Variants in ATP8A2 observed in about 807,000 individuals in gnomAD.
ATP8A2 encodes phospholipid-transporting ATPase IB.
A neutral mutation model predicts 165.6 loss-of-function variants in ATP8A2; 100 were observed. The ratio of observed to expected loss-of-function variants is 0.60; its 90% CI spans 0.51 to 0.71. ATP8A2 has a LOEUF of 0.71. ATP8A2 is among the 30% of genes least tolerant of loss of function. The pLI is 0.00. For missense variants in ATP8A2, 1,227 were observed against 1,479.5 expected, an observed-to-expected ratio of 0.83 and a Z score of 2.80; for synonymous variants, 543 against 548.8, an observed-to-expected ratio of 0.99 and a Z score of 0.15.
chr13:25,922,022 G>C (rs138890704), intron 33 of ATP8A2, among the ~76,000 whole-genome samples: 2 of 152,282 alleles, frequency 1.3e-5, no homozygotes, highest in African/African-American at 4.8e-5. Context: ...TGGGAAATAA[G>C]AATTAACTAC....
chr13:25,830,448 A>G (rs1236724022), intron 28 of ATP8A2, among the ~76,000 whole-genome samples: 1 of 152,196 alleles, frequency 6.6e-6, no homozygotes, highest in Admixed American at 6.5e-5. Context: ...CTGAGTCCAC[A>G]GTGCAGGCAT....
At chr13:25,763,059 C>T (rs2138256782) in intron 25 of ATP8A2, among the ~76,000 whole-genome samples, 1 of 152,182 alleles carries the variant, frequency 6.6e-6, no homozygotes, top group Non-Finnish European at 1.5e-5. Context: ...GGCTCCATAA[C>T]ACCTTCATCT....
intron 27 of ATP8A2, among the ~76,000 whole-genome samples, chr13:25,826,811 T>G (rs1369941156): frequency 1.3e-5 from 2 of 151,356 alleles, no homozygotes; most frequent in African/African-American, 4.9e-5. Context: ...TTTGCTTCCT[T>G]CTAAGTCAGG....
chr13:25,962,465 G>A (rs61288499), intron 34 of ATP8A2, among the ~76,000 whole-genome samples: 2,148 of 152,196 alleles, frequency 0.014, 58 homozygotes, highest in African/African-American at 0.05. Flanking sequence ...AACATATATT[G>A]TTTTCAAGAT....
At chr13:25,497,795 A>C (rs1285508629) in intron 2 of ATP8A2, among the ~76,000 whole-genome samples, 1 of 151,802 alleles carries the variant, frequency 6.6e-6, no homozygotes, top group Admixed American at 6.6e-5. Flanking sequence ...CTCTACTAAA[A>C]ATAAAAAATA....
intron 2 of ATP8A2, among the ~76,000 whole-genome samples, chr13:25,494,369 G>C (rs1486141110): frequency 2.0e-5 from 3 of 152,118 alleles, no homozygotes; most frequent in Non-Finnish European, 2.9e-5. Flanking sequence ...TGGAGGGATC[G>C]CTTTGACCTT....
chr13:25,543,777 G>A (rs924232297), intron 10 of ATP8A2, among the ~76,000 whole-genome samples: 2 of 152,090 alleles, frequency 1.3e-5, no homozygotes, highest in Admixed American at 1.3e-4. Context: ...CTGAACTTTA[G>A]AGACTTTAAA....
At chr13:25,908,453 A>G (rs1298650532) in intron 33 of ATP8A2, among the ~76,000 whole-genome samples, 1 of 152,240 alleles carries the variant, frequency 6.6e-6, no homozygotes, top group Admixed American at 6.5e-5. Context: ...CAAGAAAGTA[A>G]TGAAGCCGAG....
At chr13:25,867,174 T>C (rs372438697) in intron 33 of ATP8A2, among the ~76,000 whole-genome samples, 19 of 147,890 alleles carry the variant, frequency 1.3e-4, no homozygotes, top group East Asian at 8.1e-4. Flanking sequence ...AATACAGGAA[T>C]GGGTTTACTC....
intron 23 of ATP8A2, among the ~76,000 whole-genome samples, chr13:25,585,403 T>C (rs1232661119): frequency 6.6e-6 from 1 of 152,178 alleles, no homozygotes; most frequent in East Asian, 1.9e-4. Flanking sequence ...TTTTTTTTAA[T>C]GGATGTAGGA....
intron 1 of ATP8A2, among the ~76,000 whole-genome samples, chr13:25,451,320 T>G (rs2035218878): frequency 1.3e-5 from 2 of 152,036 alleles, no homozygotes; most frequent in South Asian, 4.2e-4. Flanking sequence ...TGAGTTCCCC[T>G]CTCACTGTGC....
chr13:25,976,869 A>T (rs1044764312), intron 35 of ATP8A2, among the ~76,000 whole-genome samples: 2 of 151,990 alleles, frequency 1.3e-5, no homozygotes, highest in Non-Finnish European at 2.9e-5. Context: ...GCTCGCTGCA[A>T]CCTCTGCCTC....
chr13:25,427,013 A>G (rs1030032547), intron 1 of ATP8A2, among the ~76,000 whole-genome samples: 3 of 152,190 alleles, frequency 2.0e-5, no homozygotes, highest in Non-Finnish European at 2.9e-5. Context: ...AATGTAAAAC[A>G]CCAGCGCAAG....
intron 24 of ATP8A2, among the ~76,000 whole-genome samples, chr13:25,648,247 A>G (rs1314387570): frequency 2.0e-5 from 3 of 151,992 alleles, no homozygotes; most frequent in Non-Finnish European, 4.4e-5. Context: ...CTTCATCTCT[A>G]TGATTTCTTT....
At chr13:25,451,868 T>C (rs535937223) in intron 1 of ATP8A2, among the ~76,000 whole-genome samples, 1 of 151,790 alleles carries the variant, frequency 6.6e-6, no homozygotes, top group East Asian at 1.9e-4. Flanking sequence ...TTTTTTTCTT[T>C]TTTTGAGATG....
chr13:25,530,722 C>T, intron 4 of ATP8A2, 62 bp downstream of exon 4: 1 of 1,023,816 alleles, frequency 9.8e-7, no homozygotes, highest in South Asian at 1.4e-5. Context: ...TTATGTGTTG[C>T]CTCGGGTGAT....
intron 1 of ATP8A2, among the ~76,000 whole-genome samples, chr13:25,451,462 C>T (rs2035222744): frequency 6.6e-6 from 1 of 152,102 alleles, no homozygotes; most frequent in Non-Finnish European, 1.5e-5. Flanking sequence ...TGTTTCCTAT[C>T]CCTTTTCCTG....
chr13:25,377,118 A>G (rs183256378), intron 1 of ATP8A2, among the ~76,000 whole-genome samples: 78 of 152,376 alleles, frequency 5.1e-4, no homozygotes, highest in African/African-American at 1.7e-3. Context: ...GGAATATTTT[A>G]CAGTTATTTT....
intron 25 of ATP8A2, among the ~76,000 whole-genome samples, chr13:25,709,093 G>A (rs1053423100): frequency 6.6e-6 from 1 of 152,142 alleles, no homozygotes; most frequent in Non-Finnish European, 1.5e-5. Context: ...TTTCTGACAG[G>A]CCTGTAAGTG....
Sources: gnomAD v4.1 joint callset for allele counts (sites outside exome capture counted in the v4.1 genomes callset) on GRCh38, gnomAD v4.1.1 for gene constraint, MANE v1.5 for transcripts, NCBI Gene and HGNC (gene_info 2026-07-23, HGNC 2026-07-21) for gene names.